Variants in LRRTM1 observed in about 807,000 individuals in gnomAD.
LRRTM1 encodes leucine rich repeat transmembrane neuronal 1.
A neutral mutation model predicts 37.3 loss-of-function variants in LRRTM1; 8 were observed. The observed-to-expected ratio is 0.21, with a 90% confidence interval of 0.13 to 0.39. The LOEUF (loss-of-function observed/expected upper bound fraction) is 0.39, where lower values mean the gene tolerates loss of function less well. LRRTM1 is among the 10% of genes least tolerant of loss of function. LRRTM1 has a pLI of 1.00. For synonymous variants in LRRTM1, 326 were observed against 316.8 expected, an observed-to-expected ratio of 1.03 and a Z score of -0.31; for missense variants, 557 against 691.0, an observed-to-expected ratio of 0.81 and a Z score of 2.17.
intron 2 of LRRTM1, among the ~76,000 whole-genome samples, chr2:80,293,674 GT>G (rs1675469881): frequency 6.6e-6 from 1 of 152,126 alleles, no homozygotes; most frequent in African/African-American, 2.4e-5. Context: ...CCTTGTTTAA[GT>G]TGCAAAAATC....
At chr2:80,293,136 A>G (rs972810935) in intron 2 of LRRTM1, among the ~76,000 whole-genome samples, 3 of 152,246 alleles carry the variant, frequency 2.0e-5, no homozygotes, top group African/African-American at 7.2e-5. Context: ...GAGGCAAAAT[A>G]ACAGAGTGAG....
downstream of LRRTM1, among the ~76,000 whole-genome samples, chr2:80,300,641 A>C (rs1057167668): frequency 6.6e-6 from 1 of 152,136 alleles, no homozygotes; most frequent in Admixed American, 6.5e-5. Flanking sequence ...AAAAGGAAAA[A>C]TAAAAACAGA....
Position 80,303,044 on chromosome 2 carries a change from T to A in LRRTM1, c.776A>T (p.Glu259Val), listed in dbSNP as rs1235864846. The A allele has an allele frequency of 6.2e-7, 1 of 1,613,690 alleles. No homozygotes were observed. Residue 259 changes from glutamate (E) to valine (V), a missense_variant, in exon 2 of 2, where the codon GAG (glutamate) becomes GTG (valine). By Grantham distance (121) the Glu-to-Val change is moderately radical. This residue lies in a region of LRRTM1 where 200 missense variants were observed against 249.9 expected (regional missense o/e 0.80). Transcript: ENST00000295057. The surrounding 1 kb of genome is among the most constrained non-coding windows in gnomAD (Gnocchi z 7.7). ...CTCGTTGCCCGACAAGTCCATTTTC[T>A]CCAGGTTCCAAACCCAGTCCAGCGA... The part of the protein sequence containing the change: ...VSSLDWVWNL[E>V]KMDLSGNEIE...
chr2:80,289,430 A>G (rs1039142263), intron 2 of LRRTM1, among the ~76,000 whole-genome samples: 1 of 152,148 alleles, frequency 6.6e-6, no homozygotes, highest in Admixed American at 6.5e-5. Flanking sequence ...TAATTTTTAT[A>G]TTACTGATTT....
At position 80,302,173 on chromosome 2, in the gene LRRTM1, C is replaced by A; in HGVS notation, c.*78G>T. On this transcript the variant is annotated 3_prime_UTR_variant, in exon 2 of 2. Transcript: ENST00000295057. The surrounding 1 kb of genome is among the most constrained non-coding windows in gnomAD (Gnocchi z 6.4). ...CATATCAGAGCACAGACAAGGAGAC[C>A]CCAGCCTGGTGCCCGCCGGCCCGTC... 1 of 1,542,900 alleles carries A rather than the reference C, an allele frequency of 6.5e-7. No homozygotes were observed. Among genetic ancestry groups the A allele is most frequent in the Non-Finnish European group, 8.7e-7 (1 of 1,143,408 alleles).
In LRRTM1 at chr2:80,302,573, C is replaced by G. The variant is rs752153819; in HGVS notation, c.1247G>C (p.Gly416Ala). The change falls in exon 2 of 2, where the codon GGC (glycine) becomes GCC (alanine). Residue 416 changes from glycine (G) to alanine (A), a missense_variant. Physicochemically the swap from Gly to Ala is moderately conservative, Grantham distance 60 (BLOSUM62 0). This residue lies in a region of LRRTM1 where 90 missense variants were observed against 149.4 expected (regional missense o/e 0.60). Coordinates refer to ENST00000295057, the MANE Select transcript of LRRTM1 (RefSeq NM_178839.5). The surrounding 1 kb of genome is among the most constrained non-coding windows in gnomAD (Gnocchi z 6.4). Reference protein sequence around the residue: ...FEPATVALPGGEHAENAVQIH... With the variant: ...FEPATVALPGAEHAENAVQIH... ...CTGCACGGCGTTCTCGGCGTGCTCG[C>G]CGCCTGGAAGAGCCACGGTGGCAGG... 1.9e-6 allele frequency: 3 copies of G among 1,607,688 alleles called. No homozygotes were observed. Among genetic ancestry groups the G allele is most frequent in the Non-Finnish European group, 2.5e-6 (3 of 1,179,202 alleles).
chr2:80,290,948 C>T (rs1230686727), intron 2 of LRRTM1, among the ~76,000 whole-genome samples: 1 of 152,212 alleles, frequency 6.6e-6, no homozygotes, highest in East Asian at 1.9e-4. Flanking sequence ...CTCTAGCATT[C>T]CCTGCTAGTA....
At position 80,303,312 on chromosome 2, in the gene LRRTM1, C is replaced by A; in HGVS notation, c.508G>T (p.Ala170Ser). ...LRKLTTLHMR[A>S]NAIQFVPVRI... The stretch of plus-strand genomic sequence containing the variant: ...ACGGGCACAAACTGGATGGCGTTGG[C>A]CCGCATATGCAGCGTGGTGAGCTTC... The change falls in exon 2 of 2, where the codon GCC (alanine) becomes TCC (serine). Residue 170 changes from alanine (A) to serine (S), a missense_variant. Transcript: ENST00000295057. This position sits in a 1 kb window ranked among gnomAD's most constrained non-coding sequence, Gnocchi z 7.7. 3 of 1,613,658 alleles carry A rather than the reference C, an allele frequency of 1.9e-6. No individual in the cohort carries two copies. Among genetic ancestry groups the A allele is most frequent in the Non-Finnish European group, 2.5e-6 (3 of 1,180,026 alleles).
At chr2:80,289,397 C>T (rs1675042654) in intron 2 of LRRTM1, among the ~76,000 whole-genome samples, 1 of 152,072 alleles carries the variant, frequency 6.6e-6, no homozygotes, top group South Asian at 2.1e-4. Flanking sequence ...TAATCTCTAC[C>T]CCAGTTCTCG....
intron 2 of LRRTM1, among the ~76,000 whole-genome samples, chr2:80,292,360 A>G (rs541033357): frequency 6.6e-6 from 1 of 152,082 alleles, no homozygotes; most frequent in Non-Finnish European, 1.5e-5. Context: ...ATTTGAACCC[A>G]AGGAATGTGT....
chr2:80,303,345 C>G lies in LRRTM1; in HGVS notation c.475G>C (p.Gly159Arg), dbSNP rs1573648016. The G allele has an allele frequency of 1.9e-6, 3 of 1,613,974 alleles. No homozygotes were observed. Among genetic ancestry groups the G allele is most frequent in the Non-Finnish European group, 1.7e-6 (2 of 1,180,036 alleles). ...TGCAGCGTGGTGAGCTTCCGCAGCC[C>G]GTGGAAGAGGTCGGGCGCGAGCGCC... ...LQALAPDLFHGLRKLTTLHMR... is the reference protein window; with the variant it reads ...LQALAPDLFHRLRKLTTLHMR... Residue 159 changes from glycine (G) to arginine (R), a missense_variant, in exon 2 of 2, where the codon GGG (glycine) becomes CGG (arginine). This residue lies in a region of LRRTM1 where 38 missense variants were observed against 72.9 expected (regional missense o/e 0.52). Coordinates refer to ENST00000295057, the MANE Select transcript of LRRTM1 (RefSeq NM_178839.5). The surrounding 1 kb of genome is among the most constrained non-coding windows in gnomAD (Gnocchi z 7.7).
chr2:80,304,014 C>T (rs1414568530), intron 1 of LRRTM1, 136 bp from the exon 2 acceptor site: 19 of 546,336 alleles, frequency 3.5e-5, no homozygotes, highest in Non-Finnish European at 5.7e-5. Context: ...ATGCAGAAAG[C>T]TGGGCAGCAT....
At position 80,295,298 on chromosome 2, in the gene LRRTM1, G is replaced by T. The variant is rs866488036; in HGVS notation, c.*307-6103C>A. On this transcript the variant is annotated intron_variant and NMD_transcript_variant, in intron 2 of 2. Transcript: ENST00000417012. ...TGTCTCAGGTCTCATGTGCGGGTGA[G>T]TGTGTGTGTCCTCTCTAGGATTCCC... Among the ~76,000 whole-genome samples the T allele has an allele frequency of 2.0e-5, 3 of 151,796 alleles. No individual in the cohort carries two copies. The South Asian group carries it at 6.2e-4, about 32-fold the overall frequency.
intron 2 of LRRTM1, among the ~76,000 whole-genome samples, chr2:80,294,674 C>A (rs994460949): frequency 1.3e-5 from 2 of 152,078 alleles, no homozygotes; most frequent in Non-Finnish European, 2.9e-5. Flanking sequence ...ATTCTCCTCA[C>A]CAAGGCCACA....
intron 2 of LRRTM1, among the ~76,000 whole-genome samples, chr2:80,294,289 C>G (rs1376673779): frequency 6.6e-6 from 1 of 152,160 alleles, no homozygotes; most frequent in Non-Finnish European, 1.5e-5. Context: ...AAGAATAATT[C>G]TAAACAGCGC....
intron 2 of LRRTM1, among the ~76,000 whole-genome samples, chr2:80,293,280 G>T (rs1230191713): frequency 6.6e-6 from 1 of 152,176 alleles, no homozygotes. Context: ...CCAGCTCTGT[G>T]TGCTGCTGAG....
chr2:80,303,694 CAGCTGCGGGCACCCGCTGGG>C lies in LRRTM1; in HGVS notation c.106_125del (p.Pro36ValfsTer74). 6.2e-7 allele frequency: 1 copy of C among 1,609,926 alleles called. No individual in the cohort carries two copies. The highest frequency in any genetic ancestry group is 8.5e-7 in the Non-Finnish European group (1 of 1,177,740). ...ACAGCAGCCGCCCCTCGCACCGGCA[CAGCTGCGGGCACCCGCTGGG>C]GGCGGCGGGCAGCATCTGAAAGCAG... On this transcript the variant is annotated frameshift_variant, in exon 2 of 2. Transcript: ENST00000295057. LOFTEE classifies it high-confidence loss of function. This position sits in a 1 kb window ranked among gnomAD's most constrained non-coding sequence, Gnocchi z 7.7.
intron 2 of LRRTM1, among the ~76,000 whole-genome samples, chr2:80,294,435 G>A (rs543187916): frequency 4.5e-4 from 68 of 151,442 alleles, no homozygotes; most frequent in Middle Eastern, 3.4e-3. Context: ...TGTAGCCCAC[G>A]TAACCTGACC....
At chr2:80,290,335 G>C (rs996455122) in intron 2 of LRRTM1, among the ~76,000 whole-genome samples, 1 of 152,064 alleles carries the variant, frequency 6.6e-6, no homozygotes, top group Admixed American at 6.5e-5. Flanking sequence ...TGTCCAAATA[G>C]TCTCAGTCCT....
Sources: gnomAD v4.1 joint callset for allele counts (sites outside exome capture counted in the v4.1 genomes callset) on GRCh38, gnomAD v4.1.1 for gene constraint, gnomAD v4.1.1 regional missense constraint, Gnocchi (gnomAD v3.1) non-coding constraint, MANE v1.5 for transcripts, NCBI Gene and HGNC (gene_info 2026-07-23, HGNC 2026-07-21) for gene names.